The following UNC5D variants were observed in gnomAD, a reference collection of about 807,000 sequenced individuals.
UNC5D encodes the protein netrin receptor UNC5D.
A neutral mutation model predicts 105.4 loss-of-function variants in UNC5D; 39 were observed. That is an observed-to-expected ratio of 0.37 (90% CI 0.29 to 0.48). The LOEUF (loss-of-function observed/expected upper bound fraction) is 0.48, where lower values mean the gene tolerates loss of function less well. Ranked by LOEUF, UNC5D falls within the 20% of genes least tolerant of loss-of-function variation. The pLI, the probability that UNC5D is intolerant of heterozygous loss-of-function variation, is 0.98. For missense variants in UNC5D, 991 were observed against 1,202.4 expected, an observed-to-expected ratio of 0.82 and a Z score of 2.60; for synonymous variants, 452 against 450.4, an observed-to-expected ratio of 1.00 and a Z score of -0.04.
intron 14 of UNC5D, among the ~76,000 whole-genome samples, chr8:35,763,763 T>C (rs1182479654): frequency 6.6e-6 from 1 of 152,126 alleles, no homozygotes; most frequent in East Asian, 1.9e-4. Context: ...GAGAGTTTAT[T>C]TGAGGGCTAA....
At chr8:35,737,367 GGA>G (rs1016702837) in intron 11 of UNC5D, among the ~76,000 whole-genome samples, 1 of 150,596 alleles carries the variant, frequency 6.6e-6, no homozygotes, top group African/African-American at 2.4e-5. Context: ...TGATTAATTA[GGA>G]GAGAGAGATT....
At chr8:35,377,013 C>A (rs1377380811) in intron 1 of UNC5D, among the ~76,000 whole-genome samples, 5 of 152,180 alleles carry the variant, frequency 3.3e-5, no homozygotes, top group African/African-American at 9.7e-5. Flanking sequence ...CTGCTTATTT[C>A]TCCTTGCATA....
chr8:35,372,347 C>T (rs1200297445), intron 1 of UNC5D, among the ~76,000 whole-genome samples: 1 of 152,040 alleles, frequency 6.6e-6, no homozygotes, highest in Non-Finnish European at 1.5e-5. Context: ...TGGTCTTGAA[C>T]TCCTGAGTTC....
intron 4 of UNC5D, among the ~76,000 whole-genome samples, chr8:35,612,069 C>T (rs1820720854): frequency 6.6e-6 from 1 of 152,206 alleles, no homozygotes; most frequent in Admixed American, 6.5e-5. Context: ...CTGCTCACAT[C>T]AAGGTAAACA....
chr8:35,770,980 A>G (rs1801987744), intron 15 of UNC5D, among the ~76,000 whole-genome samples: 1 of 152,204 alleles, frequency 6.6e-6, no homozygotes, highest in Non-Finnish European at 1.5e-5. Context: ...AGAAAATGTG[A>G]TGTATCTACA....
intron 1 of UNC5D, among the ~76,000 whole-genome samples, chr8:35,501,366 T>G (rs776510890): frequency 9.2e-5 from 14 of 152,210 alleles, no homozygotes; most frequent in Non-Finnish European, 1.6e-4. Flanking sequence ...TGGCTTTCCT[T>G]TATGTTTCTA....
rs531217122 is a variant in UNC5D at position 35,480,338 on chromosome 8, C to T, written c.104-68954C>T. On this transcript the variant is annotated intron_variant, in intron 1 of 16. Transcript: ENST00000404895. Reference sequence around the variant, plus strand: ...TTAAATTATAAACTAAACAAAACAACCATGATACAATCTGGTCTATCTTGA... The same window carrying T: ...TTAAATTATAAACTAAACAAAACAATCATGATACAATCTGGTCTATCTTGA... Among the ~76,000 whole-genome samples, 150 of 152,204 alleles carry T rather than the reference C, an allele frequency of 9.9e-4. 1 individual carries two copies. The highest frequency in any genetic ancestry group is 1.9e-3 in the Non-Finnish European group (128 of 68,002).
At chr8:35,717,609 TAG>T (rs1003252801) in intron 8 of UNC5D, among the ~76,000 whole-genome samples, 1 of 152,202 alleles carries the variant, frequency 6.6e-6, no homozygotes, top group Non-Finnish European at 1.5e-5. Flanking sequence ...TGCTTTCTTT[TAG>T]AGACTTTCTG....
At chr8:35,412,456 G>T (rs1805237569) in intron 1 of UNC5D, among the ~76,000 whole-genome samples, 1 of 149,916 alleles carries the variant, frequency 6.7e-6, no homozygotes. Flanking sequence ...CTTGCTTTTT[G>T]TATGTTATGA....
intron 1 of UNC5D, among the ~76,000 whole-genome samples, chr8:35,366,303 C>T (rs1460649245): frequency 6.6e-6 from 1 of 151,986 alleles, no homozygotes; most frequent in Non-Finnish European, 1.5e-5. Context: ...CTTCCATGTG[C>T]CCCAGTATCC....
At chr8:35,537,186 G>A (rs929848330) in intron 1 of UNC5D, among the ~76,000 whole-genome samples, 6 of 152,042 alleles carry the variant, frequency 3.9e-5, no homozygotes, top group African/African-American at 1.4e-4. Flanking sequence ...CAATTCAGAA[G>A]GTAAACAAAA....
At chr8:35,534,728 CAA>C (rs1814704456) in intron 1 of UNC5D, among the ~76,000 whole-genome samples, 1 of 151,614 alleles carries the variant, frequency 6.6e-6, no homozygotes, top group South Asian at 2.1e-4. Flanking sequence ...TTGAAATGCT[CAA>C]AGATACTACA....
At chr8:35,468,289 C>A (rs368455658) in intron 1 of UNC5D, among the ~76,000 whole-genome samples, 1 of 152,152 alleles carries the variant, frequency 6.6e-6, no homozygotes, top group Non-Finnish European at 1.5e-5. Flanking sequence ...ACAGAGATCA[C>A]TAGCTCTCTT....
intron 1 of UNC5D, among the ~76,000 whole-genome samples, chr8:35,413,197 C>T (rs1011834147): frequency 6.6e-6 from 1 of 150,982 alleles, no homozygotes; most frequent in Non-Finnish European, 1.5e-5. Context: ...GTTCCATGCT[C>T]CTGCATCTTA....
intron 4 of UNC5D, among the ~76,000 whole-genome samples, chr8:35,604,549 T>C (rs1820140016): frequency 6.6e-6 from 1 of 152,194 alleles, no homozygotes; most frequent in South Asian, 2.1e-4. Context: ...GAGGAGTATC[T>C]TTGTGGCATT....
chr8:35,753,632 A>T (rs950265837), intron 13 of UNC5D, among the ~76,000 whole-genome samples: 9 of 152,086 alleles, frequency 5.9e-5, no homozygotes, highest in African/African-American at 1.9e-4. Context: ...CTTTGACCCC[A>T]TTTGTCCTAA....
chr8:35,466,549 C>T (rs1809316624), intron 1 of UNC5D, among the ~76,000 whole-genome samples: 1 of 152,070 alleles, frequency 6.6e-6, no homozygotes, highest in Admixed American at 6.6e-5. Flanking sequence ...GCTTTAGAGT[C>T]CTAAATGCCC....
chr8:35,585,922 A>G (rs1388904602), intron 3 of UNC5D, among the ~76,000 whole-genome samples: 1 of 152,128 alleles, frequency 6.6e-6, no homozygotes, highest in African/African-American at 2.4e-5. Context: ...ACACAAAGAC[A>G]TGAAATGAAA....
At chr8:35,576,375 A>T (rs973278461) in intron 3 of UNC5D, among the ~76,000 whole-genome samples, 2 of 152,188 alleles carry the variant, frequency 1.3e-5, no homozygotes, top group Non-Finnish European at 2.9e-5. Context: ...GGACAGGATT[A>T]TTCTGTTTTG....
Sources: gnomAD v4.1 joint callset for allele counts (sites outside exome capture counted in the v4.1 genomes callset) on GRCh38, gnomAD v4.1.1 for gene constraint, MANE v1.5 for transcripts, NCBI Gene and HGNC (gene_info 2026-07-23, HGNC 2026-07-21) for gene names.